NAA20: variants seen among roughly 807,000 people sequenced by gnomAD.
NAA20 encodes N-alpha-acetyltransferase 20.
In NAA20, 24 loss-of-function variants were observed where a neutral mutation model predicts 23.8. That is an observed-to-expected ratio of 1.01 (90% CI 0.73 to 1.42). NAA20 has a LOEUF of 1.42. Among genes scored for constraint, NAA20 ranks in the 40% most tolerant of loss-of-function variants. The probability of loss-of-function intolerance (pLI) is 0.00; values close to 1 mark genes in which losing one functional copy is unlikely to be tolerated. For missense variants in NAA20, 166 were observed against 223.1 expected, an observed-to-expected ratio of 0.74 and a Z score of 1.63; for synonymous variants, 83 against 77.7, an observed-to-expected ratio of 1.07 and a Z score of -0.36.
At chr20:20,024,642 C>A (rs746037771) in intron 2 of NAA20, among the ~76,000 whole-genome samples, 7 of 152,064 alleles carry the variant, frequency 4.6e-5, no homozygotes, top group Non-Finnish European at 8.8e-5. Flanking sequence ...CCAGGTGAGC[C>A]TATATTTGAA....
chr20:20,017,566 C>A, intron 1 of NAA20, 117 bp downstream of exon 1: 1 of 1,389,236 alleles, frequency 7.2e-7, no homozygotes, highest in Non-Finnish European at 9.5e-7. Context: ...CGGGGACCCG[C>A]GAGAACCACC....
At chr20:20,022,223 G>A (rs2043273248) in intron 1 of NAA20, among the ~76,000 whole-genome samples, 1 of 152,178 alleles carries the variant, frequency 6.6e-6, no homozygotes, top group African/African-American at 2.4e-5. Context: ...TTTTAAAGAA[G>A]CAAGTAGCAG....
rs764652729 is a variant in NAA20 at position 20,025,667 on chromosome 20, A to G, written c.79-10A>G. 8.8e-6 allele frequency: 14 copies of G among 1,595,054 alleles called. 1 individual carries two copies. In the South Asian group the frequency reaches 1.5e-4, roughly 18 times the overall value. ...TCCATTACTTTTCACACTCCTTAACAGGACTCTAGTATGGGATTCCTTTCT... is the reference window on the plus strand; with the variant it reads ...TCCATTACTTTTCACACTCCTTAACGGGACTCTAGTATGGGATTCCTTTCT... On this transcript the variant is annotated splice_polypyrimidine_tract_variant and intron_variant, in intron 2 of 5. Coordinates refer to ENST00000334982, the MANE Select transcript of NAA20 (RefSeq NM_016100.5).
At chr20:20,017,889 G>C (rs960982885) in intron 1 of NAA20, 15 of 1,593,100 alleles carry the variant, frequency 9.4e-6, no homozygotes, top group Non-Finnish European at 1.3e-5. Flanking sequence ...CCGACGGCCA[G>C]GCCGCAGAGG....
At chr20:20,030,518 G>C (rs1247146425) in intron 4 of NAA20, among the ~76,000 whole-genome samples, 1 of 152,048 alleles carries the variant, frequency 6.6e-6, no homozygotes. Context: ...TCCCGCTTCA[G>C]TAATTTACTA....
chr20:20,032,069 C>T (rs1040621008), intron 4 of NAA20, among the ~76,000 whole-genome samples: 4 of 148,858 alleles, frequency 2.7e-5, no homozygotes, highest in Admixed American at 6.6e-5. Context: ...AAGCCAGAAA[C>T]GTATCAACAG....
chr20:20,030,247 G>A (rs2043333913), intron 4 of NAA20, among the ~76,000 whole-genome samples: 1 of 152,110 alleles, frequency 6.6e-6, no homozygotes, highest in African/African-American at 2.4e-5. Context: ...TTAGCAAAGT[G>A]GATTTGGCAC....
intron 4 of NAA20, among the ~76,000 whole-genome samples, chr20:20,028,488 A>G (rs2043321493): frequency 6.6e-6 from 1 of 152,164 alleles, no homozygotes; most frequent in African/African-American, 2.4e-5. Context: ...AAGTATAATA[A>G]TAATAAAAAA....
At chr20:20,020,196 A>G (rs562948097) in intron 1 of NAA20, among the ~76,000 whole-genome samples, 3 of 152,172 alleles carry the variant, frequency 2.0e-5, no homozygotes, top group East Asian at 1.9e-4. Context: ...AATTTTGGGG[A>G]CCCCCTCAAA....
intron 1 of NAA20, among the ~76,000 whole-genome samples, chr20:20,019,715 G>A (rs2043255155): frequency 6.6e-6 from 1 of 152,178 alleles, no homozygotes; most frequent in South Asian, 2.1e-4. Flanking sequence ...CTCCCGAGTA[G>A]TTGGGACTAC....
In NAA20 at chr20:20,033,590, T is replaced by C. The variant is rs2043364721; in HGVS notation, c.*403T>C. The C allele has an allele frequency of 6.3e-6, 1 of 158,902 alleles. No homozygotes were observed. The highest frequency in any genetic ancestry group is 1.9e-4 in the South Asian group (1 of 5,320). 9.8% of individuals were successfully genotyped at this position (158,902 alleles called of 1,614,324 possible). On this transcript the variant is annotated 3_prime_UTR_variant, in exon 6 of 6. Coordinates refer to ENST00000334982, the MANE Select transcript of NAA20 (RefSeq NM_016100.5). ...AAGCTTTAAAAGCATATATGAAATG[T>C]ATAAATCTAAGATGTATAATACATT...
At chr20:20,030,770 C>G (rs1227689212) in intron 4 of NAA20, among the ~76,000 whole-genome samples, 9 of 151,668 alleles carry the variant, frequency 5.9e-5, no homozygotes, top group African/African-American at 2.2e-4. Flanking sequence ...ATAAAATCCA[C>G]AAGAATCTAG....
At chr20:20,018,432 T>G in intron 1 of NAA20, 2 of 209,016 alleles carry the variant, frequency 9.6e-6, no homozygotes, top group South Asian at 9.5e-5. Context: ...CCGATTCAAG[T>G]GTCAGGAAGA....
Position 20,033,199 on chromosome 20 carries a change from G to A in NAA20, c.*12G>A. ...AAGACATTGAATAACCCTGGGCAGT[G>A]GTTCTTAGGCAGATACTCTAGATGC... is the stretch of plus-strand genomic sequence containing the variant. On this transcript the variant is annotated 3_prime_UTR_variant, in exon 6 of 6. Transcript: ENST00000334982. 6.3e-7 allele frequency: 1 copy of A among 1,589,866 alleles called. No homozygotes were observed. The highest frequency in any genetic ancestry group is 8.6e-7 in the Non-Finnish European group (1 of 1,158,774).
intron 2 of NAA20, 99 bp downstream of exon 2, chr20:20,022,579 A>G (rs2043277595): frequency 9.3e-7 from 1 of 1,070,406 alleles, no homozygotes; most frequent in Non-Finnish European, 1.3e-6. Context: ...AAAAGTTTAA[A>G]AACTTGTAGG....
intron 2 of NAA20, among the ~76,000 whole-genome samples, chr20:20,024,604 T>C (rs755894219): frequency 1.3e-4 from 20 of 152,204 alleles, no homozygotes; most frequent in Non-Finnish European, 1.9e-4. Flanking sequence ...CCAGTGACAT[T>C]TAAAATTTGC....
chr20:20,021,954 G>A (rs2043271142), intron 1 of NAA20, among the ~76,000 whole-genome samples: 1 of 152,154 alleles, frequency 6.6e-6, no homozygotes, highest in Non-Finnish European at 1.5e-5. Flanking sequence ...TGGGGATGGT[G>A]GGGACAGGGA....
At chr20:20,020,797 C>T (rs1264124684) in intron 1 of NAA20, among the ~76,000 whole-genome samples, 3 of 152,142 alleles carry the variant, frequency 2.0e-5, no homozygotes, top group East Asian at 3.9e-4. Context: ...TGAGTGAAGA[C>T]AGCATTTCAG....
In NAA20 at chr20:20,033,282, A is replaced by T. The variant is rs1215656603; in HGVS notation, c.*95A>T. ...CTGGAGCTCTATTAGGAGAAAAGTA[A>T]TCATTTTAGGTCTTAAAGACTTCAA... On this transcript the variant is annotated 3_prime_UTR_variant, in exon 6 of 6. Coordinates refer to ENST00000334982, the MANE Select transcript of NAA20 (RefSeq NM_016100.5). 26 of 1,014,074 alleles carry T rather than the reference A, an allele frequency of 2.6e-5. No individual in the cohort carries two copies. The highest frequency in any genetic ancestry group is 3.3e-5 in the Non-Finnish European group (22 of 675,248). The allele number at this position is 1,014,074 out of a possible 1,614,324, so 62.8% of individuals were successfully genotyped here. A position where few individuals can be genotyped will look rare whatever the true frequency, so the allele number is the denominator to read the frequency against.
Sources: allele counts gnomAD v4.1 joint callset (sites outside exome capture counted in the v4.1 genomes callset), GRCh38; gene constraint gnomAD v4.1.1; transcripts MANE v1.5; gene names NCBI Gene and HGNC (gene_info 2026-07-23, HGNC 2026-07-21).